Variants in PTK2 observed in about 807,000 individuals in gnomAD.
PTK2 encodes the protein focal adhesion kinase 1.
A neutral mutation model predicts 150.1 loss-of-function variants in PTK2; 45 were observed. That is an observed-to-expected ratio of 0.30 (90% CI 0.24 to 0.38). PTK2 has a LOEUF of 0.38. Among genes scored for constraint, PTK2 ranks in the 10% least tolerant of loss-of-function variants. PTK2 has a pLI of 1.00. For missense variants in PTK2, 919 were observed against 1,307.3 expected, an observed-to-expected ratio of 0.70 and a Z score of 4.58; for synonymous variants, 432 against 449.2, an observed-to-expected ratio of 0.96 and a Z score of 0.48.
At chr8:140,840,163 A>G (rs970099055) in intron 7 of PTK2, among the ~76,000 whole-genome samples, 1 of 152,172 alleles carries the variant, frequency 6.6e-6, no homozygotes, top group Non-Finnish European at 1.5e-5. Flanking sequence ...GGCTCAAGCA[A>G]TCCTCCAGCC....
At chr8:140,789,174 T>A (rs539826022) in intron 14 of PTK2, among the ~76,000 whole-genome samples, 95 of 152,102 alleles carry the variant, frequency 6.2e-4, no homozygotes, top group Middle Eastern at 3.4e-3. Context: ...TAAATTATAA[T>A]GGCAACTTCA....
chr8:141,001,756 G>T (rs1159653247), upstream of PTK2, among the ~76,000 whole-genome samples: 1 of 152,218 alleles, frequency 6.6e-6, no homozygotes, highest in Non-Finnish European at 1.5e-5. Context: ...ACCCGCTGCG[G>T]GCCCCGGGCC....
intron 27 of PTK2, among the ~76,000 whole-genome samples, chr8:140,681,650 G>T (rs138133473): frequency 1.3e-5 from 2 of 152,020 alleles, no homozygotes; most frequent in African/African-American, 4.8e-5. Context: ...GGTGGCGGGC[G>T]CCTGTAGTCG....
intron 2 of PTK2, among the ~76,000 whole-genome samples, chr8:140,901,926 T>G (rs1483429143): frequency 6.6e-6 from 1 of 152,132 alleles, no homozygotes; most frequent in Non-Finnish European, 1.5e-5. Context: ...TCTGTTCCTG[T>G]GTTAGTTTGC....
chr8:140,933,769 T>C (rs2100172720), intron 1 of PTK2, among the ~76,000 whole-genome samples: 1 of 152,110 alleles, frequency 6.6e-6, no homozygotes, highest in African/African-American at 2.4e-5. Flanking sequence ...CTGGTGGGTA[T>C]GGGGTTTTCT....
chr8:140,871,128 G>A (rs1290046929), intron 4 of PTK2, among the ~76,000 whole-genome samples: 4 of 152,180 alleles, frequency 2.6e-5, no homozygotes, highest in African/African-American at 4.8e-5. Context: ...AGACCATTTT[G>A]AAGTCTAAAC....
chr8:140,712,529 G>C (rs2154207681), intron 23 of PTK2, among the ~76,000 whole-genome samples: 2 of 152,142 alleles, frequency 1.3e-5, no homozygotes, highest in South Asian at 4.1e-4. Flanking sequence ...GGTATCATCT[G>C]TTACATTAAA....
chr8:140,864,378 A>G (rs946014729), exon 5 of PTK2: 1 of 1,588,554 alleles, frequency 6.3e-7, no homozygotes, highest in East Asian at 2.3e-5. Context: ...CTTTTGGCAA[A>G]TAACGAATTC....
intron 2 of PTK2, among the ~76,000 whole-genome samples, chr8:140,902,944 T>TG (rs1568518603): frequency 7.2e-5 from 10 of 139,460 alleles, no homozygotes; most frequent in African/African-American, 2.4e-4. Context: ...TTTTTTTTTT[T>TG]TTTTTTTTTT....
chr8:140,827,108 A>T (rs979328251), intron 8 of PTK2, among the ~76,000 whole-genome samples: 14 of 152,046 alleles, frequency 9.2e-5, no homozygotes, highest in African/African-American at 3.4e-4. Context: ...CTAGAATCCA[A>T]AAAGAGATCA....
intron 24 of PTK2, among the ~76,000 whole-genome samples, chr8:140,703,093 C>T (rs1010407315): frequency 6.6e-6 from 1 of 152,092 alleles, no homozygotes; most frequent in Non-Finnish European, 1.5e-5. Context: ...AGCCTGTAAT[C>T]CTAGCACTTT....
intron 8 of PTK2, among the ~76,000 whole-genome samples, chr8:140,823,870 C>T (rs541819638): frequency 3.3e-4 from 50 of 152,306 alleles, no homozygotes; most frequent in Non-Finnish European, 5.1e-4. Context: ...CACATTAGAC[C>T]AGTAGCTAAG....
chr8:140,706,728 T>C (rs565840883), intron 23 of PTK2, among the ~76,000 whole-genome samples: 10 of 152,190 alleles, frequency 6.6e-5, no homozygotes, highest in Non-Finnish European at 1.0e-4. Flanking sequence ...CTTTCAGGTA[T>C]ATGTAAAGTC....
At chr8:140,859,881 A>G (rs574715082) in intron 5 of PTK2, among the ~76,000 whole-genome samples, 1 of 152,116 alleles carries the variant, frequency 6.6e-6, no homozygotes, top group African/African-American at 2.4e-5. Context: ...TGGATCACTT[A>G]TAACAGTTCT....
chr8:140,984,457 G>A (rs1348723840), intron 1 of PTK2, among the ~76,000 whole-genome samples: 1 of 152,176 alleles, frequency 6.6e-6, no homozygotes, highest in Non-Finnish European at 1.5e-5. Flanking sequence ...AAAAATGCAA[G>A]TCTGAGCCCT....
intron 2 of PTK2, chr8:140,921,336 C>A (rs1603126350): frequency 5.6e-6 from 1 of 180,034 alleles, no homozygotes; most frequent in South Asian, 2.0e-4. Context: ...ATCCAGCAGT[C>A]TTCTGTTTAC....
At chr8:140,835,774 T>C (rs1478687559) in intron 7 of PTK2, among the ~76,000 whole-genome samples, 4 of 152,168 alleles carry the variant, frequency 2.6e-5, no homozygotes, top group Non-Finnish European at 5.9e-5. Context: ...ATAGTGTTGA[T>C]GAGAAAAAAA....
intron 1 of PTK2, among the ~76,000 whole-genome samples, chr8:140,985,655 C>A (rs1440653650): frequency 1.3e-5 from 2 of 152,294 alleles, no homozygotes; most frequent in East Asian, 3.9e-4. Flanking sequence ...TGCTGTGACA[C>A]CCCCGCCAGA....
At chr8:140,696,971 C>G (rs1360348150) in intron 26 of PTK2, among the ~76,000 whole-genome samples, 1 of 151,174 alleles carries the variant, frequency 6.6e-6, no homozygotes, top group Non-Finnish European at 1.5e-5. Flanking sequence ...GAAACTCTAC[C>G]AAAAATACAA....
Sources: gnomAD v4.1 joint callset for allele counts (sites outside exome capture counted in the v4.1 genomes callset) on GRCh38, gnomAD v4.1.1 for gene constraint, MANE v1.5 for transcripts, NCBI Gene and HGNC (gene_info 2026-07-23, HGNC 2026-07-21) for gene names.